The following HECA variants were observed in gnomAD, a reference collection of about 807,000 sequenced individuals.
HECA encodes the protein HECA ribonucleoprotein granule regulator.
In HECA, 13 loss-of-function variants were observed where a neutral mutation model predicts 37.6. The ratio of observed to expected loss-of-function variants is 0.35; its 90% CI spans 0.23 to 0.55. The LOEUF (loss-of-function observed/expected upper bound fraction) is 0.55, where lower values mean the gene tolerates loss of function less well. HECA is among the 20% of genes least tolerant of loss of function. HECA has a pLI of 0.90. For synonymous variants in HECA, 307 were observed against 291.5 expected (o/e 1.05, Z -0.54); for missense variants, 527 against 701.9 (o/e 0.75, Z 2.82).
In HECA at chr6:139,135,142, C is replaced by T. The variant is rs1440816771; in HGVS notation, c.-255C>T. Reference sequence around the variant, plus strand: ...TTCCCTCCGGCTCGGGAGCGTCTCGCTTGCGCCCCGGGCCCGCGGCGCCCG... The same window carrying T: ...TTCCCTCCGGCTCGGGAGCGTCTCGTTTGCGCCCCGGGCCCGCGGCGCCCG... On this transcript the variant is annotated 5_prime_UTR_variant, in exon 1 of 4. Transcript: ENST00000367658. 1 of 174,974 alleles carries T rather than the reference C, an allele frequency of 5.7e-6. No homozygotes were observed. The highest frequency in any genetic ancestry group is 2.4e-5 in the African/African-American group (1 of 42,016). The allele number at this position is 174,974 out of a possible 1,614,324, so 10.8% of individuals were successfully genotyped here. A position where few individuals can be genotyped will look rare whatever the true frequency, so the allele number is the denominator to read the frequency against.
rs774515194 is a variant in HECA, at chr6:139,166,804, C to T, written c.792C>T (p.Ser264=). The T allele has an allele frequency of 3.7e-6, 6 of 1,613,758 alleles. No homozygotes were observed. In the East Asian group the frequency reaches 1.1e-4, roughly 30 times the overall value. The part of the protein sequence containing the change: ...AVGAAAYGAR[S]PGGSPGQSPP... ...GTGCCGCAGCCTACGGTGCCCGTTCCCCCGGTGGCTCCCCGGGCCAGTCCC... is the reference window on the plus strand; with the variant it reads ...GTGCCGCAGCCTACGGTGCCCGTTCTCCCGGTGGCTCCCCGGGCCAGTCCC... Residue 264 remains serine, a synonymous_variant, in exon 2 of 4, where the codon TCC becomes TCT. Coordinates refer to ENST00000367658, the MANE Select transcript of HECA (RefSeq NM_016217.3).
Position 139,179,419 on chromosome 6 carries a change from C to T in HECA, c.*2314C>T, listed in dbSNP as rs1222884451. 2 of 152,236 alleles carry T rather than the reference C, an allele frequency of 1.3e-5. No individual in the cohort carries two copies. Among genetic ancestry groups the T allele is most frequent in the African/African-American group, 4.8e-5 (2 of 41,546 alleles). 9.4% of individuals were successfully genotyped at this position (152,236 alleles called of 1,614,324 possible). A position where few individuals can be genotyped will look rare whatever the true frequency, so the allele number is the denominator to read the frequency against. On this transcript the variant is annotated 3_prime_UTR_variant, in exon 4 of 4. Transcript: ENST00000367658. ...CCGTCAGTGTAGTGTATGCTGTGTT[C>T]CATGTTGCCTTTTTAGATGGCTTTC...
intron 1 of HECA, chr6:139,159,183 T>A (rs1307890888): frequency 6.6e-6 from 1 of 152,166 alleles, no homozygotes; most frequent in African/African-American, 2.4e-5. Flanking sequence ...AGGTCTTTAA[T>A]AAGTTGCAGA....
At chr6:139,140,027 T>G (rs1025652053) in intron 1 of HECA, among the ~76,000 whole-genome samples, 1 of 152,250 alleles carries the variant, frequency 6.6e-6, no homozygotes. Context: ...CTGAATTCCA[T>G]ATATCTGTTG....
chr6:139,152,970 C>G (rs1178566121), intron 1 of HECA: 1 of 152,150 alleles, frequency 6.6e-6, no homozygotes, highest in Admixed American at 6.5e-5. Context: ...GCTTCTTTGT[C>G]CACTCCTGTG....
intron 1 of HECA, among the ~76,000 whole-genome samples, chr6:139,147,705 A>G (rs1774602709): frequency 1.3e-5 from 2 of 152,218 alleles, no homozygotes; most frequent in South Asian, 4.1e-4. Context: ...CTTTACTCAC[A>G]CATTGTACAC....
chr6:139,154,255 A>G (rs111835658), intron 1 of HECA, among the ~76,000 whole-genome samples: 2 of 152,348 alleles, frequency 1.3e-5, no homozygotes, highest in African/African-American at 2.4e-5. Flanking sequence ...TCCATTGACA[A>G]TTGGTCAAAT....
intron 1 of HECA, among the ~76,000 whole-genome samples, chr6:139,146,968 C>G (rs149587595): frequency 6.6e-6 from 1 of 152,172 alleles, no homozygotes; most frequent in Non-Finnish European, 1.5e-5. Context: ...GTAGAACTTA[C>G]GGAAAGGAGA....
intron 1 of HECA, among the ~76,000 whole-genome samples, chr6:139,158,537 T>C (rs1200147961): frequency 6.7e-6 from 1 of 149,972 alleles, no homozygotes; most frequent in African/African-American, 2.5e-5. Flanking sequence ...AGTGGTGGCG[T>C]GCACCTGTAG....
intron 2 of HECA, 22 bp downstream of exon 2, chr6:139,167,346 G>T: frequency 1.3e-6 from 2 of 1,505,218 alleles, no homozygotes; most frequent in Non-Finnish European, 1.8e-6. Flanking sequence ...AATTCACCTT[G>T]CCTGCTTTCT....
intron 1 of HECA, among the ~76,000 whole-genome samples, chr6:139,156,931 G>A (rs537394965): frequency 1.3e-5 from 2 of 152,352 alleles, no homozygotes; most frequent in East Asian, 3.9e-4. Context: ...CTCCAAGAGA[G>A]GGTTCTTGGA....
chr6:139,138,511 T>C (rs1456905576), intron 1 of HECA, among the ~76,000 whole-genome samples: 1 of 152,214 alleles, frequency 6.6e-6, no homozygotes, highest in East Asian at 1.9e-4. Context: ...TGTTTATTTG[T>C]AGTTGTTTGG....
chr6:139,171,900 C>T (rs1200591113), intron 2 of HECA, among the ~76,000 whole-genome samples: 1 of 151,412 alleles, frequency 6.6e-6, no homozygotes, highest in African/African-American at 2.4e-5. Context: ...GGTGCTATCT[C>T]GGCTCACTGC....
intron 1 of HECA, among the ~76,000 whole-genome samples, chr6:139,154,392 A>C (rs1439885553): frequency 6.6e-6 from 1 of 152,120 alleles, no homozygotes; most frequent in Non-Finnish European, 1.5e-5. Flanking sequence ...CCAAAAAAAA[A>C]CTCTGGACTG....
intron 1 of HECA, among the ~76,000 whole-genome samples, chr6:139,158,669 T>TTA (rs1774750958): frequency 2.7e-5 from 1 of 37,182 alleles, no homozygotes; most frequent in Admixed American, 2.8e-4. Flanking sequence ...AGACCCTGTC[T>TTA]CAAAAAAAAA....
At chr6:139,153,664 C>G (rs572861150) in intron 1 of HECA, among the ~76,000 whole-genome samples, 1 of 152,170 alleles carries the variant, frequency 6.6e-6, no homozygotes, top group East Asian at 1.9e-4. Flanking sequence ...GGTGATCCTC[C>G]CGCCTCAGCC....
At chr6:139,158,671 A>AG (rs1453054889) in intron 1 of HECA, among the ~76,000 whole-genome samples, 2 of 17,784 alleles carry the variant, frequency 1.1e-4, no homozygotes, top group African/African-American at 1.1e-3. Flanking sequence ...ACCCTGTCTC[A>AG]AAAAAAAAAA....
intron 1 of HECA, among the ~76,000 whole-genome samples, chr6:139,147,295 G>T (rs895518598): frequency 6.6e-6 from 1 of 152,126 alleles, no homozygotes; most frequent in Admixed American, 6.5e-5. Context: ...CACCAATATG[G>T]TTTTTATACT....
intron 1 of HECA, among the ~76,000 whole-genome samples, chr6:139,140,456 G>A (rs1219187488): frequency 6.6e-6 from 1 of 152,152 alleles, no homozygotes; most frequent in Non-Finnish European, 1.5e-5. Flanking sequence ...TGTACACTTC[G>A]TGTATTAAAG....
Sources: gnomAD v4.1 joint callset for allele counts (sites outside exome capture counted in the v4.1 genomes callset) on GRCh38, gnomAD v4.1.1 for gene constraint, MANE v1.5 for transcripts, NCBI Gene and HGNC (gene_info 2026-07-23, HGNC 2026-07-21) for gene names.